The following GRIK2 variants were observed in gnomAD, a reference collection of about 807,000 sequenced individuals.
GRIK2 encodes glutamate ionotropic receptor kainate type subunit 2, also known as glutamate receptor ionotropic, kainate 2.
GRIK2 carries 32 observed loss-of-function variants against 100.3 expected under a neutral mutation model. That is an observed-to-expected ratio of 0.32 (90% CI 0.24 to 0.43). GRIK2 has a LOEUF of 0.43. Among genes scored for constraint, GRIK2 ranks in the 20% least tolerant of loss-of-function variants. GRIK2 has a pLI of 1.00. For missense variants in GRIK2, 843 were observed against 1,114.9 expected, an observed-to-expected ratio of 0.76 and a Z score of 3.47; for synonymous variants, 417 against 389.4, an observed-to-expected ratio of 1.07 and a Z score of -0.83.
intron 7 of GRIK2, among the ~76,000 whole-genome samples, chr6:101,766,478 A>G (rs1778052682): frequency 6.6e-6 from 1 of 152,154 alleles, no homozygotes; most frequent in Non-Finnish European, 1.5e-5. Context: ...ATTCAATTGG[A>G]AGAATAATAT....
chr6:101,514,002 T>A (rs1332252057), intron 2 of GRIK2, among the ~76,000 whole-genome samples: 1 of 151,906 alleles, frequency 6.6e-6, no homozygotes, highest in East Asian at 1.9e-4. Flanking sequence ...ATAGACAAAT[T>A]GCTTGCAAGA....
intron 14 of GRIK2, among the ~76,000 whole-genome samples, chr6:102,026,006 T>G (rs776989132): frequency 2.0e-5 from 3 of 150,404 alleles, no homozygotes; most frequent in Non-Finnish European, 3.0e-5. Context: ...TTTTCTATTC[T>G]TGCTTACTAG....
intron 12 of GRIK2, among the ~76,000 whole-genome samples, chr6:101,894,180 T>C (rs1028131203): frequency 6.6e-6 from 1 of 151,666 alleles, no homozygotes; most frequent in Non-Finnish European, 1.5e-5. Flanking sequence ...AAGTAGATTA[T>C]TTTGTCAATG....
Position 101,998,872 on chromosome 6 carries a change from G to A in GRIK2, c.2086-36469G>A, listed in dbSNP as rs1490636184. Among the ~76,000 whole-genome samples the A allele has an allele frequency of 1.1e-4, 14 of 131,538 alleles. No homozygotes were observed. In the Admixed American group the frequency reaches 1.1e-3, roughly 10 times the overall value. 86.3% of individuals were successfully genotyped at this position (131,538 alleles called of 152,430 possible). Reference sequence around the variant, plus strand: ...TCTGTCTCCTAGGCTGGAGTGCAGTGGCATGATCTTGGCTCACTGCAACCT... The same window carrying A: ...TCTGTCTCCTAGGCTGGAGTGCAGTAGCATGATCTTGGCTCACTGCAACCT... On this transcript the variant is annotated intron_variant, in intron 14 of 16. Coordinates refer to ENST00000369134, the MANE Select transcript of GRIK2 (RefSeq NM_021956.5).
chr6:101,955,734 CT>C lies in GRIK2; in HGVS notation c.2085+27111del, dbSNP rs201234643. Among the ~76,000 whole-genome samples, 85 of 150,120 alleles carry C rather than the reference CT, an allele frequency of 5.7e-4. No individual in the cohort carries two copies. The East Asian group carries it at 9.0e-3, about 16-fold the overall frequency. On this transcript the variant is annotated intron_variant, in intron 14 of 16. Transcript: ENST00000369134. ...CTATACATATTATTCCCTTTTAATC[CT>C]TTTTTTTTCTGTTAGATTGTAGGCA...
At chr6:101,928,269 T>C in intron 13 of GRIK2, 146 bp from the exon 14 acceptor site, 1 of 611,458 alleles carries the variant, frequency 1.6e-6, no homozygotes, top group Non-Finnish European at 2.9e-6. Flanking sequence ...TTCCCAATGG[T>C]TGTTGCTTGC....
chr6:101,517,621 C>T (rs1774653771), intron 2 of GRIK2, among the ~76,000 whole-genome samples: 1 of 152,084 alleles, frequency 6.6e-6, no homozygotes. Context: ...ATATACTGTA[C>T]TTTAAAACAA....
chr6:102,031,350 C>G (rs1357925266), intron 14 of GRIK2, among the ~76,000 whole-genome samples: 1 of 151,330 alleles, frequency 6.6e-6, no homozygotes, highest in Admixed American at 6.6e-5. Context: ...ATATTTTGTT[C>G]TTGCATGTTA....
Position 101,525,907 on chromosome 6 carries a change from T to C in GRIK2, c.116-96042T>C, listed in dbSNP as rs112599875. 2.6e-3 allele frequency among the ~76,000 whole-genome samples: 389 copies of C among 152,278 alleles called. 1 individual carries two copies. Among genetic ancestry groups the C allele is most frequent in the African/African-American group, 9.0e-3 (372 of 41,542 alleles). ...CTGTTGTAAGGACTGTATACTGTGA[T>C]GAATAAAATGGAAGGAAACAGACAC... On this transcript the variant is annotated intron_variant, in intron 2 of 16. Coordinates refer to ENST00000369134, the MANE Select transcript of GRIK2 (RefSeq NM_021956.5).
At chr6:101,613,727 T>C (rs56027933) in intron 2 of GRIK2, among the ~76,000 whole-genome samples, 3,326 of 145,556 alleles carry the variant, frequency 0.023, 128 homozygotes, top group African/African-American at 0.079. Flanking sequence ...ACTTGGAGTA[T>C]AACATTGAAC....
At chr6:101,644,380 A>T (rs1781424411) in intron 4 of GRIK2, among the ~76,000 whole-genome samples, 1 of 151,728 alleles carries the variant, frequency 6.6e-6, no homozygotes, top group Non-Finnish European at 1.5e-5. Context: ...ATGATGAAAC[A>T]TCTACTGAGG....
rs182808504 is a variant in GRIK2, at chr6:101,975,402, T to C, written c.2085+46770T>C. 3.0e-4 allele frequency among the ~76,000 whole-genome samples: 45 copies of C among 151,820 alleles called. No individual in the cohort carries two copies. The East Asian group carries it at 5.8e-3, about 20-fold the overall frequency. On this transcript the variant is annotated intron_variant, in intron 14 of 16. Coordinates refer to ENST00000369134, the MANE Select transcript of GRIK2 (RefSeq NM_021956.5). Reference sequence around the variant, plus strand: ...TAGGAAAATAACCCAAAAAAGGAGATTGAGAGAGCAGCCAAATACATAGGT... The same window carrying C: ...TAGGAAAATAACCCAAAAAAGGAGACTGAGAGAGCAGCCAAATACATAGGT...
chr6:101,878,528 C>T lies in GRIK2; in HGVS notation c.1525-11112C>T, dbSNP rs575340370. 3.3e-5 allele frequency among the ~76,000 whole-genome samples: 5 copies of T among 152,002 alleles called. No homozygotes were observed. The South Asian group carries it at 8.3e-4, about 25-fold the overall frequency. The stretch of plus-strand genomic sequence containing the variant: ...TTAAAAGATTCTGTGTTAATCTAAA[C>T]ACAATATACCTCACAAATTTATTAC... On this transcript the variant is annotated intron_variant, in intron 11 of 16. Transcript: ENST00000369134.
intron 7 of GRIK2, among the ~76,000 whole-genome samples, chr6:101,753,211 A>T (rs1239450684): frequency 6.9e-6 from 1 of 144,440 alleles, no homozygotes; most frequent in Non-Finnish European, 1.5e-5. Flanking sequence ...TGAACCTGGG[A>T]GGCGGAGCTT....
intron 11 of GRIK2, among the ~76,000 whole-genome samples, chr6:101,866,948 G>A (rs1048159338): frequency 4.6e-5 from 7 of 151,552 alleles, no homozygotes; most frequent in African/African-American, 1.5e-4. Flanking sequence ...TCATATAGAA[G>A]TTTTAAAGTT....
intron 16 of GRIK2, among the ~76,000 whole-genome samples, chr6:102,064,299 T>C (rs983249689): frequency 1.3e-5 from 2 of 148,940 alleles, no homozygotes; most frequent in Non-Finnish European, 3.0e-5. Flanking sequence ...TTCTCCTCCT[T>C]CTCCTCTCCT....
rs758514611 is a variant in GRIK2 at position 101,487,600 on chromosome 6, G to A, written c.115+88208G>A. 2.7e-4 allele frequency among the ~76,000 whole-genome samples: 39 copies of A among 146,828 alleles called. 3 individuals carry two copies. Among genetic ancestry groups the A allele is most frequent in the African/African-American group, 7.0e-4 (27 of 38,584 alleles). On this transcript the variant is annotated intron_variant, in intron 2 of 16. Coordinates refer to ENST00000369134, the MANE Select transcript of GRIK2 (RefSeq NM_021956.5). Reference sequence around the variant, plus strand: ...ACAAACTACTGGAAAAACACAGTGCGACTTGCATATACAGTAGTACACAAA... The same window carrying A: ...ACAAACTACTGGAAAAACACAGTGCAACTTGCATATACAGTAGTACACAAA...
intron 7 of GRIK2, among the ~76,000 whole-genome samples, chr6:101,748,177 A>T (rs1028835705): frequency 6.6e-6 from 1 of 152,218 alleles, no homozygotes; most frequent in Non-Finnish European, 1.5e-5. Context: ...ATGCAGTCAA[A>T]TTAATAAAAA....
At chr6:102,020,186 G>C (rs1354165845) in intron 14 of GRIK2, among the ~76,000 whole-genome samples, 1 of 151,594 alleles carries the variant, frequency 6.6e-6, no homozygotes, top group African/African-American at 2.4e-5. Context: ...TTCTGAAATT[G>C]TTTTTAGAAT....
Sources: allele counts gnomAD v4.1 joint callset (sites outside exome capture counted in the v4.1 genomes callset), GRCh38; gene constraint gnomAD v4.1.1; transcripts MANE v1.5; gene names NCBI Gene and HGNC (gene_info 2026-07-23, HGNC 2026-07-21).